OCA2: variants seen among roughly 807,000 people sequenced by gnomAD.
OCA2 encodes P protein.
OCA2 carries 77 observed loss-of-function variants against 100.2 expected under a neutral mutation model. The observed-to-expected ratio is 0.77, with a 90% CI of 0.64 to 0.93. The LOEUF (loss-of-function observed/expected upper bound fraction) is 0.93, where lower values mean the gene tolerates loss of function less well. OCA2 is among the 40% of genes least tolerant of loss of function. The probability of loss-of-function intolerance (pLI) is 0.00; values close to 1 mark genes in which losing one functional copy is unlikely to be tolerated. For missense variants in OCA2, 1,062 were observed against 1,089.1 expected (o/e 0.98, Z 0.35); for synonymous variants, 432 against 439.2 (o/e 0.98, Z 0.21).
rs544824970 is a variant in OCA2, at chr15:27,838,479, G to A, written c.2432+6480C>T. On this transcript the variant is annotated intron_variant, in intron 23 of 23. Coordinates refer to ENST00000354638, the MANE Select transcript of OCA2 (RefSeq NM_000275.3). The stretch of plus-strand genomic sequence containing the variant: ...TCAACATAAAGAGATCCGTGAAATC[G>A]TAAAATATAACAAATACTCAAAACT... Among the ~76,000 whole-genome samples, 28 of 152,250 alleles carry A rather than the reference G, an allele frequency of 1.8e-4. No homozygotes were observed. In the South Asian group the frequency reaches 4.1e-3, roughly 23 times the overall value.
At chr15:27,763,660 G>A (rs977835510) in intron 23 of OCA2, among the ~76,000 whole-genome samples, 4 of 152,186 alleles carry the variant, frequency 2.6e-5, no homozygotes, top group Admixed American at 6.5e-5. Context: ...GGGGAGACAG[G>A]CAGCAGATGC....
chr15:27,998,403 C>T (rs2041818245), intron 9 of OCA2, among the ~76,000 whole-genome samples: 2 of 116,238 alleles, frequency 1.7e-5, no homozygotes, highest in South Asian at 4.9e-4. Flanking sequence ...TGAACAGACA[C>T]TTCTCAAAAG....
At chr15:27,875,929 G>A (rs952342681) in intron 19 of OCA2, among the ~76,000 whole-genome samples, 1 of 151,910 alleles carries the variant, frequency 6.6e-6, no homozygotes, top group Non-Finnish European at 1.5e-5. Context: ...TAGACCACTT[G>A]AGATTTTCTA....
At chr15:27,788,229 A>G (rs2032912522) in intron 23 of OCA2, among the ~76,000 whole-genome samples, 1 of 152,074 alleles carries the variant, frequency 6.6e-6, no homozygotes, top group Admixed American at 6.5e-5. Flanking sequence ...TTCTGTAGAT[A>G]TTAGGTCAAG....
At chr15:27,743,056 C>T in the OCA2 span, among the ~76,000 whole-genome samples, 209 of 152,366 alleles carry the variant, frequency 1.4e-3, no homozygotes, top group Middle Eastern at 6.8e-3. Context: ...GCTCCATTGG[C>T]TGCCTCTGCG....
At chr15:27,929,047 A>G (rs538169943) in intron 18 of OCA2, among the ~76,000 whole-genome samples, 6 of 152,334 alleles carry the variant, frequency 3.9e-5, no homozygotes, top group African/African-American at 1.4e-4. Context: ...TGATCTATAA[A>G]CACAATATAT....
chr15:27,887,334 C>T (rs556961598), intron 19 of OCA2, among the ~76,000 whole-genome samples: 1 of 151,392 alleles, frequency 6.6e-6, no homozygotes, highest in South Asian at 2.1e-4. Context: ...CAGACCAACT[C>T]CCAATATAGC....
At chr15:27,838,032 C>G (rs557633245) in intron 23 of OCA2, among the ~76,000 whole-genome samples, 1 of 152,136 alleles carries the variant, frequency 6.6e-6, no homozygotes, top group Admixed American at 6.5e-5. Context: ...GCTGACTGCC[C>G]CGTGCAAGGC....
chr15:27,875,406 A>G (rs1305868564), intron 19 of OCA2, among the ~76,000 whole-genome samples: 1 of 152,136 alleles, frequency 6.6e-6, no homozygotes, highest in South Asian at 2.1e-4. Context: ...CTTGATTACT[A>G]TAACTTTGTA....
intron 2 of OCA2, among the ~76,000 whole-genome samples, chr15:28,051,888 T>C (rs1338389969): frequency 1.3e-5 from 2 of 152,156 alleles, no homozygotes; most frequent in Non-Finnish European, 2.9e-5. Context: ...TTGTGCCCTG[T>C]AGCACACTAT....
intron 5 of OCA2, 57 bp from the exon 6 acceptor site, chr15:28,022,630 A>C: frequency 7.5e-7 from 1 of 1,333,570 alleles, no homozygotes; most frequent in Non-Finnish European, 1.1e-6. Context: ...AGTAAGGTAT[A>C]AATCATTTTG....
chr15:27,921,059 C>G (rs1164745434), intron 19 of OCA2, among the ~76,000 whole-genome samples: 1 of 151,280 alleles, frequency 6.6e-6, no homozygotes, highest in Non-Finnish European at 1.5e-5. Flanking sequence ...ATCCAAATAC[C>G]CAAAATTAAT....
the OCA2 span, among the ~76,000 whole-genome samples, chr15:27,749,633 T>C: frequency 1.5e-4 from 23 of 150,650 alleles, no homozygotes; most frequent in Non-Finnish European, 2.8e-4. Flanking sequence ...ATAAGTGAAC[T>C]CAGCAAGGCC....
chr15:28,016,474 T>C (rs1352671266), intron 7 of OCA2, among the ~76,000 whole-genome samples: 1 of 152,144 alleles, frequency 6.6e-6, no homozygotes, highest in Non-Finnish European at 1.5e-5. Context: ...AAATAGTGAT[T>C]TAATACGAGA....
At chr15:27,873,708 ATAAAG>A (rs970082306) in intron 19 of OCA2, among the ~76,000 whole-genome samples, 1 of 152,250 alleles carries the variant, frequency 6.6e-6, no homozygotes, top group Non-Finnish European at 1.5e-5. Context: ...GTAAGACAAA[ATAAAG>A]TAAAATCTTC....
At chr15:27,823,183 G>C (rs1353777569) in intron 23 of OCA2, among the ~76,000 whole-genome samples, 1 of 152,158 alleles carries the variant, frequency 6.6e-6, no homozygotes, top group Admixed American at 6.5e-5. Flanking sequence ...CCTGTTTCTG[G>C]GCTCTCCATT....
chr15:27,922,920 G>A (rs1012989507), intron 19 of OCA2, among the ~76,000 whole-genome samples: 1 of 152,044 alleles, frequency 6.6e-6, no homozygotes, highest in Non-Finnish European at 1.5e-5. Flanking sequence ...CAGGTATTAA[G>A]CCTAGCACCC....
At chr15:27,790,424 T>C (rs62001335) in intron 23 of OCA2, among the ~76,000 whole-genome samples, 18,165 of 152,160 alleles carry the variant, frequency 0.12, 1,993 homozygotes, top group African/African-American at 0.29. Flanking sequence ...CTGGGCACAA[T>C]GTGGTCCATC....
chr15:28,087,068 T>C (rs1268972668), intron 1 of OCA2, among the ~76,000 whole-genome samples: 1 of 152,092 alleles, frequency 6.6e-6, no homozygotes, highest in Admixed American at 6.6e-5. Flanking sequence ...GACATAAACC[T>C]ACAGATTTGA....
Sources: gnomAD v4.1 joint callset for allele counts (sites outside exome capture counted in the v4.1 genomes callset) on GRCh38, gnomAD v4.1.1 for gene constraint, MANE v1.5 for transcripts, NCBI Gene and HGNC (gene_info 2026-07-23, HGNC 2026-07-21) for gene names.